BBX: variants seen among roughly 807,000 people sequenced by gnomAD.
BBX encodes BBX high mobility group box domain containing.
A neutral mutation model predicts 100.2 loss-of-function variants in BBX; 30 were observed. The observed-to-expected ratio is 0.30, with a 90% CI of 0.22 to 0.41. BBX has a LOEUF of 0.41. Among genes scored for constraint, BBX ranks in the 10% least tolerant of loss-of-function variants. The probability of loss-of-function intolerance (pLI) is 1.00; values close to 1 mark genes in which losing one functional copy is unlikely to be tolerated. For synonymous variants in BBX, 376 were observed against 388.1 expected (o/e 0.97, Z 0.37); for missense variants, 1,023 against 1,129.8 (o/e 0.91, Z 1.35).
chr3:107,747,881 T>C (rs2064755849), intron 8 of BBX, 84 bp from the exon 9 acceptor site: 1 of 1,147,486 alleles, frequency 8.7e-7, no homozygotes, highest in Non-Finnish European at 1.3e-6. Context: ...TATCAGTGTC[T>C]ACAGTTGAAA....
intron 7 of BBX, among the ~76,000 whole-genome samples, chr3:107,740,401 G>C (rs762074108): frequency 6.6e-6 from 1 of 151,948 alleles, no homozygotes; most frequent in South Asian, 2.1e-4. Flanking sequence ...AATTACTGAA[G>C]CCTGGCAGTT....
At chr3:107,736,448 G>A (rs2063642888) in intron 7 of BBX, among the ~76,000 whole-genome samples, 1 of 150,746 alleles carries the variant, frequency 6.6e-6, no homozygotes. Context: ...TAAAGAACCA[G>A]AAATAAAAAT....
intron 15 of BBX, among the ~76,000 whole-genome samples, chr3:107,791,643 G>T (rs1255813824): frequency 1.3e-5 from 2 of 152,166 alleles, no homozygotes; most frequent in African/African-American, 4.8e-5. Flanking sequence ...ATAACAACCT[G>T]GTTGGCTGGG....
Position 107,728,813 on chromosome 3 carries a change from A to G in BBX, c.454A>G (p.Thr152Ala). 2 of 1,613,832 alleles carry G rather than the reference A, an allele frequency of 1.2e-6. No individual in the cohort carries two copies. The highest frequency in any genetic ancestry group is 2.2e-5 in the East Asian group (1 of 44,880). Residue 152 changes from threonine to alanine, a missense_variant, in exon 6 of 18, where the codon ACC becomes GCC. Physicochemically the swap from Thr to Ala is moderately conservative, Grantham distance 58. This residue lies in a region of BBX where 229 missense variants were observed against 226.3 expected (regional missense o/e 1.01). Coordinates refer to ENST00000325805, the MANE Select transcript of BBX (RefSeq NM_001142568.3). ...KANPGYKWCP[T>A]TNKPVKSPTP... ...AAATCCTGGCTACAAATGGTGTCCT[A>G]CCACAAACAAGCCTGTGAAATCCCC...
intron 3 of BBX, among the ~76,000 whole-genome samples, chr3:107,670,851 A>G (rs72941365): frequency 0.054 from 8,165 of 152,122 alleles, 702 homozygotes; most frequent in African/African-American, 0.18. Flanking sequence ...CACCAACAAC[A>G]TCTCTACCTC....
intron 2 of BBX, among the ~76,000 whole-genome samples, chr3:107,579,952 G>A (rs553569249): frequency 1.6e-4 from 25 of 152,004 alleles, no homozygotes; most frequent in Admixed American, 6.6e-4. Context: ...GCAAGCTCTG[G>A]AGTATTTTTT....
Position 107,772,864 on chromosome 3 carries a change from A to G in BBX, c.1143A>G (p.Ile381Met). The part of the protein sequence containing the change: ...RNFEALQIDD[I>M]MAIKMEDPKE... ...TTGAGGCATTGCAAATAGATGACAT[A>G]ATGGCTATAAAAATGGAAGATCCCA... Residue 381 changes from isoleucine to methionine, a missense_variant, in exon 11 of 18, where the codon ATA (isoleucine) becomes ATG (methionine). Physicochemically the swap from Ile to Met is conservative, Grantham distance 10. Transcript: ENST00000325805. 6.2e-7 allele frequency: 1 copy of G among 1,613,168 alleles called. No homozygotes were observed.
Position 107,778,449 on chromosome 3 carries a change from A to G in BBX, c.2133A>G (p.Lys711=). ...PQYSPVTFDR[K]CVPVPRKKKK... ...ATAGTCCTGTTACATTTGACCGGAA[A>G]TGTGTACCTGTCCCAAGAAAAAAGA... is the stretch of plus-strand genomic sequence containing the variant. Residue 711 remains lysine (K), a synonymous_variant, in exon 13 of 18, where the codon AAA becomes AAG. Transcript: ENST00000325805. 1.2e-6 allele frequency: 2 copies of G among 1,613,462 alleles called. No homozygotes were observed. The highest frequency in any genetic ancestry group is 1.7e-6 in the Non-Finnish European group (2 of 1,179,554).
intron 2 of BBX, among the ~76,000 whole-genome samples, chr3:107,549,335 TA>T (rs1339548243): frequency 1.3e-5 from 2 of 151,970 alleles, no homozygotes; most frequent in Non-Finnish European, 2.9e-5. Flanking sequence ...ATAAAATAAG[TA>T]AGCTGTATGG....
chr3:107,591,896 T>A (rs2053343112), intron 2 of BBX, among the ~76,000 whole-genome samples: 1 of 152,214 alleles, frequency 6.6e-6, no homozygotes. Flanking sequence ...TACAATTTCA[T>A]GGAAGTAAAG....
chr3:107,598,601 A>G (rs1032036248), intron 2 of BBX, among the ~76,000 whole-genome samples: 2 of 152,244 alleles, frequency 1.3e-5, no homozygotes, highest in Non-Finnish European at 2.9e-5. Context: ...AAAAGACTGC[A>G]GATATAATTT....
At chr3:107,769,873 A>G (rs1454263289) in intron 10 of BBX, among the ~76,000 whole-genome samples, 1 of 152,060 alleles carries the variant, frequency 6.6e-6, no homozygotes, top group Non-Finnish European at 1.5e-5. Context: ...GTGACGCCCA[A>G]CTCTGAGAGT....
At chr3:107,589,453 A>G (rs1008053049) in intron 2 of BBX, among the ~76,000 whole-genome samples, 3 of 152,152 alleles carry the variant, frequency 2.0e-5, no homozygotes, top group Admixed American at 2.0e-4. Flanking sequence ...CTTCCAGATT[A>G]CCCTATTGAT....
At chr3:107,666,324 C>A (rs1324319161) in intron 3 of BBX, among the ~76,000 whole-genome samples, 1 of 152,188 alleles carries the variant, frequency 6.6e-6, no homozygotes, top group Admixed American at 6.5e-5. Flanking sequence ...GTGTACATTT[C>A]TGTTGTGCTT....
At chr3:107,771,088 G>T (rs2066871363) in intron 10 of BBX, among the ~76,000 whole-genome samples, 1 of 152,100 alleles carries the variant, frequency 6.6e-6, no homozygotes, top group African/African-American at 2.4e-5. Flanking sequence ...ATACAAAGTA[G>T]ATAAAATAAA....
chr3:107,584,784 C>T (rs1290763282), intron 2 of BBX, among the ~76,000 whole-genome samples: 13 of 133,210 alleles, frequency 9.8e-5, no homozygotes, highest in Admixed American at 8.0e-4. Context: ...CTCCGCCTTC[C>T]GGGTTCAAGC....
chr3:107,748,585 G>C (rs940195986), intron 9 of BBX, among the ~76,000 whole-genome samples: 2 of 152,156 alleles, frequency 1.3e-5, no homozygotes, highest in Non-Finnish European at 2.9e-5. Flanking sequence ...GCCGAAGAGA[G>C]CACACACCAG....
intron 2 of BBX, among the ~76,000 whole-genome samples, chr3:107,619,301 A>G (rs534203880): frequency 3.9e-5 from 6 of 152,226 alleles, no homozygotes; most frequent in Middle Eastern, 3.4e-3. Context: ...TGTAGATAGC[A>G]TATAGTTAGA....
chr3:107,687,616 C>T (rs983377558), intron 3 of BBX, among the ~76,000 whole-genome samples: 1 of 152,084 alleles, frequency 6.6e-6, no homozygotes, highest in African/African-American at 2.4e-5. Flanking sequence ...TGTCTTGAAC[C>T]GGCCTGACAT....
Sources: allele counts gnomAD v4.1 joint callset (sites outside exome capture counted in the v4.1 genomes callset), GRCh38; gene constraint gnomAD v4.1.1; regional missense constraint gnomAD v4.1.1; transcripts MANE v1.5; gene names NCBI Gene and HGNC (gene_info 2026-07-23, HGNC 2026-07-21).